The following SIPA1L2 variants were observed in gnomAD, a reference collection of about 807,000 sequenced individuals.
SIPA1L2 encodes signal-induced proliferation-associated 1-like protein 2.
A neutral mutation model predicts 163.9 loss-of-function variants in SIPA1L2; 56 were observed. The ratio of observed to expected loss-of-function variants is 0.34; its 90% CI spans 0.28 to 0.43. The LOEUF (loss-of-function observed/expected upper bound fraction) is 0.43, where lower values mean the gene tolerates loss of function less well. SIPA1L2 is among the 20% of genes least tolerant of loss of function. The probability of loss-of-function intolerance (pLI) is 1.00; values close to 1 mark genes in which losing one functional copy is unlikely to be tolerated. For synonymous variants in SIPA1L2, 877 were observed against 865.7 expected, an observed-to-expected ratio of 1.01 and a Z score of -0.23; for missense variants, 1,974 against 2,193.5, an observed-to-expected ratio of 0.90 and a Z score of 2.00.
intron 6 of SIPA1L2, among the ~76,000 whole-genome samples, chr1:232,483,035 G>A (rs1166032405): frequency 1.3e-5 from 2 of 152,146 alleles, no homozygotes; most frequent in Admixed American, 1.3e-4. Flanking sequence ...GATACTCATA[G>A]CAACTAAATA....
intron 2 of SIPA1L2, among the ~76,000 whole-genome samples, chr1:232,563,572 G>T (rs1659166827): frequency 6.6e-6 from 1 of 152,174 alleles, no homozygotes; most frequent in South Asian, 2.1e-4. Context: ...CCCTTACACT[G>T]AAGTTCTCAA....
At chr1:232,600,433 T>C (rs1573153739) in intron 1 of SIPA1L2, among the ~76,000 whole-genome samples, 1 of 152,166 alleles carries the variant, frequency 6.6e-6, no homozygotes, top group East Asian at 1.9e-4. Context: ...TTCCAACAGC[T>C]AGAGTACCTC....
At chr1:232,579,062 CA>C (rs1422750865) in intron 1 of SIPA1L2, among the ~76,000 whole-genome samples, 1 of 152,170 alleles carries the variant, frequency 6.6e-6, no homozygotes, top group East Asian at 1.9e-4. Context: ...GGAGGCTCCT[CA>C]CACTTCATCA....
At chr1:232,434,862 A>G (rs1210525248) in intron 15 of SIPA1L2, among the ~76,000 whole-genome samples, 2 of 150,722 alleles carry the variant, frequency 1.3e-5, no homozygotes, top group Admixed American at 6.7e-5. Flanking sequence ...TCATACTCCT[A>G]TATTTCAGCA....
chr1:232,576,968 G>A (rs1023012043), intron 1 of SIPA1L2, among the ~76,000 whole-genome samples: 4 of 152,152 alleles, frequency 2.6e-5, no homozygotes, highest in African/African-American at 9.7e-5. Flanking sequence ...GAGGTACAAG[G>A]AGAGCTACAC....
intron 1 of SIPA1L2, among the ~76,000 whole-genome samples, chr1:232,629,360 G>A (rs1247583547): frequency 6.6e-6 from 1 of 152,228 alleles, no homozygotes. Flanking sequence ...AGTGAGAAGA[G>A]CGCTCGCCGG....
chr1:232,546,118 A>G (rs1437769124), intron 2 of SIPA1L2, among the ~76,000 whole-genome samples: 4 of 152,252 alleles, frequency 2.6e-5, no homozygotes, highest in African/African-American at 9.6e-5. Flanking sequence ...GGCTAAAGAA[A>G]GCTAGAGTGA....
At chr1:232,584,480 T>C (rs1349569746) in intron 1 of SIPA1L2, among the ~76,000 whole-genome samples, 1 of 152,192 alleles carries the variant, frequency 6.6e-6, no homozygotes, top group East Asian at 1.9e-4. Flanking sequence ...CTTGGCCTAG[T>C]CCAATCATAT....
chr1:232,585,343 C>T (rs1660600825), intron 1 of SIPA1L2, among the ~76,000 whole-genome samples: 1 of 152,094 alleles, frequency 6.6e-6, no homozygotes, highest in Non-Finnish European at 1.5e-5. Flanking sequence ...TTTCTCCCCA[C>T]AGTAAAAGAA....
At chr1:232,605,350 T>C (rs1661846447) in intron 1 of SIPA1L2, among the ~76,000 whole-genome samples, 1 of 152,124 alleles carries the variant, frequency 6.6e-6, no homozygotes, top group Non-Finnish European at 1.5e-5. Flanking sequence ...GTTCAAACCA[T>C]GGAATATCAC....
At chr1:232,406,627 G>A (rs1220080314) in intron 19 of SIPA1L2, among the ~76,000 whole-genome samples, 1 of 151,978 alleles carries the variant, frequency 6.6e-6, no homozygotes, top group African/African-American at 2.4e-5. Flanking sequence ...TGATCAACAT[G>A]TCATGTCTGT....
intron 2 of SIPA1L2, among the ~76,000 whole-genome samples, chr1:232,548,224 T>C (rs1052980295): frequency 6.6e-6 from 1 of 152,224 alleles, no homozygotes; most frequent in African/African-American, 2.4e-5. Flanking sequence ...AGGGTTCTAA[T>C]GGATTCTATA....
chr1:232,532,922 G>C (rs1657066475), intron 2 of SIPA1L2, among the ~76,000 whole-genome samples: 1 of 152,196 alleles, frequency 6.6e-6, no homozygotes, highest in Non-Finnish European at 1.5e-5. Context: ...TACAGAACAA[G>C]ATGAGGCTGG....
rs1558270699 is a variant in SIPA1L2, at chr1:232,563,955, T to TTTGTGTGTGTG, written c.-270+10218_-270+10219insCACACACACAA. Among the ~76,000 whole-genome samples, 61 of 116,762 alleles carry TTTGTGTGTGTG rather than the reference T, an allele frequency of 5.2e-4. 1 individual carries two copies. The highest frequency in any genetic ancestry group is 2.3e-3 in the African/African-American group (58 of 25,168). 76.6% of individuals were successfully genotyped at this position (116,762 alleles called of 152,430 possible). ...AACGACAAAGGTTTGTTTTTTTTTT[T>TTTGTGTGTGTG]CGTGTGTGTGTGTGTGTGTGTGTGT... is the stretch of plus-strand genomic sequence containing the variant. On this transcript the variant is annotated intron_variant, in intron 2 of 22. Coordinates refer to ENST00000674635, the MANE Select transcript of SIPA1L2 (RefSeq NM_020808.5).
intron 2 of SIPA1L2, among the ~76,000 whole-genome samples, chr1:232,568,284 T>G (rs1254839329): frequency 1.3e-5 from 2 of 152,180 alleles, no homozygotes; most frequent in Non-Finnish European, 2.9e-5. Flanking sequence ...GACTGGGCCC[T>G]CAACCTGTGG....
Position 232,399,527 on chromosome 1 carries a change from T to C in SIPA1L2, c.5023-254A>G, listed in dbSNP as rs1453222247. On this transcript the variant is annotated intron_variant, in intron 22 of 22. Transcript: ENST00000674635. ...ATGGGGTGCTAAGATAGCCTTTATA[T>C]AGGAAGGGTGTTCATCATAGTTTAT... Among the ~76,000 whole-genome samples the C allele has an allele frequency of 4.0e-5, 6 of 151,890 alleles. No individual in the cohort carries two copies. The East Asian group carries it at 1.2e-3, about 30-fold the overall frequency.
intron 2 of SIPA1L2, among the ~76,000 whole-genome samples, chr1:232,536,671 G>A (rs184479343): frequency 5.3e-5 from 8 of 152,184 alleles, no homozygotes; most frequent in African/African-American, 1.4e-4. Flanking sequence ...CAAACAAAAC[G>A]ACAGAAGTTC....
At chr1:232,426,764 G>A (rs1327791140) in intron 17 of SIPA1L2, among the ~76,000 whole-genome samples, 1 of 152,168 alleles carries the variant, frequency 6.6e-6, no homozygotes, top group Admixed American at 6.5e-5. Context: ...AATTATTGTT[G>A]TGTTTAATTA....
At chr1:232,612,544 T>C (rs1362225450) in intron 1 of SIPA1L2, among the ~76,000 whole-genome samples, 2 of 152,162 alleles carry the variant, frequency 1.3e-5, no homozygotes, top group African/African-American at 4.8e-5. Flanking sequence ...AGGAGATCAT[T>C]TTGGAGTTTT....
Sources: allele counts gnomAD v4.1 joint callset (sites outside exome capture counted in the v4.1 genomes callset), GRCh38; gene constraint gnomAD v4.1.1; transcripts MANE v1.5; gene names NCBI Gene and HGNC (gene_info 2026-07-23, HGNC 2026-07-21).